SPMIP2: variants seen among roughly 807,000 people sequenced by gnomAD.
The protein encoded by SPMIP2 is sperm microtubule inner protein 2.
the SPMIP2 span, among the ~76,000 whole-genome samples, chr4:159,075,232 C>A: frequency 6.6e-6 from 1 of 152,104 alleles, no homozygotes; most frequent in Non-Finnish European, 1.5e-5. Context: ...CCTTATTTAC[C>A]TACAGACAGA....
the SPMIP2 span, among the ~76,000 whole-genome samples, chr4:158,924,356 C>T: frequency 1.3e-5 from 2 of 152,036 alleles, no homozygotes; most frequent in Non-Finnish European, 2.9e-5. Flanking sequence ...GCATTTATTG[C>T]GAGGATCATA....
chr4:159,031,829 T>C, the SPMIP2 span, among the ~76,000 whole-genome samples: 1 of 152,206 alleles, frequency 6.6e-6, no homozygotes, highest in Non-Finnish European at 1.5e-5. Flanking sequence ...GGGAGTTCAT[T>C]GGCGTGTGTT....
chr4:159,068,627 T>A, the SPMIP2 span, among the ~76,000 whole-genome samples: 1 of 151,826 alleles, frequency 6.6e-6, no homozygotes, highest in Non-Finnish European at 1.5e-5. Flanking sequence ...AACCTGCACG[T>A]TGTGCACATG....
the SPMIP2 span, among the ~76,000 whole-genome samples, chr4:159,062,221 G>C: frequency 6.6e-6 from 1 of 152,176 alleles, no homozygotes; most frequent in African/African-American, 2.4e-5. Flanking sequence ...TTTTGTAGTA[G>C]TTACCTCTTG....
At chr4:159,041,126 A>G in the SPMIP2 span, among the ~76,000 whole-genome samples, 2 of 152,196 alleles carry the variant, frequency 1.3e-5, no homozygotes, top group Non-Finnish European at 2.9e-5. Context: ...AATTTGCAAC[A>G]CCAGCTCACA....
At chr4:158,907,704 C>T in the SPMIP2 span, 1 of 152,084 alleles carries the variant, frequency 6.6e-6, no homozygotes. Flanking sequence ...AAATGTGAAC[C>T]ATTTGTTTTT....
At chr4:158,984,534 T>A in the SPMIP2 span, among the ~76,000 whole-genome samples, 1 of 151,712 alleles carries the variant, frequency 6.6e-6, no homozygotes, top group Non-Finnish European at 1.5e-5. Flanking sequence ...GAATGACTAC[T>A]GGGTACATAA....
the SPMIP2 span, among the ~76,000 whole-genome samples, chr4:158,965,972 A>G: frequency 6.6e-6 from 1 of 152,252 alleles, no homozygotes; most frequent in Non-Finnish European, 1.5e-5. Context: ...GCTTAAAGCC[A>G]TTGGAATGTG....
chr4:158,970,751 G>C, the SPMIP2 span, among the ~76,000 whole-genome samples: 3 of 152,022 alleles, frequency 2.0e-5, no homozygotes, highest in East Asian at 1.9e-4. Flanking sequence ...AGTCCAAGGA[G>C]CTTTAAGGTA....
At chr4:159,040,706 T>G in the SPMIP2 span, among the ~76,000 whole-genome samples, 1 of 152,086 alleles carries the variant, frequency 6.6e-6, no homozygotes, top group Admixed American at 6.6e-5. Flanking sequence ...CCTCAAGATA[T>G]CCTCCTACCT....
chr4:158,899,057 T>C, the SPMIP2 span, among the ~76,000 whole-genome samples: 1 of 152,172 alleles, frequency 6.6e-6, no homozygotes. Context: ...CTTGAAGTGG[T>C]GTTGAGTTTT....
At chr4:158,948,296 G>A in the SPMIP2 span, among the ~76,000 whole-genome samples, 1 of 151,792 alleles carries the variant, frequency 6.6e-6, no homozygotes, top group Non-Finnish European at 1.5e-5. Context: ...GCTGCCTCTT[G>A]GGGGGAAAAA....
chr4:158,987,920 A>G, the SPMIP2 span, among the ~76,000 whole-genome samples: 1,626 of 152,160 alleles, frequency 0.011, 18 homozygotes, highest in Middle Eastern at 0.048. Context: ...GGAGATAGAG[A>G]CACAAAAAAC....
the SPMIP2 span, among the ~76,000 whole-genome samples, chr4:159,027,004 A>ATT: frequency 6.8e-6 from 1 of 147,788 alleles, no homozygotes; most frequent in Non-Finnish European, 1.5e-5. Flanking sequence ...GCAGCAACTG[A>ATT]TTTTTTTTTT....
the SPMIP2 span, among the ~76,000 whole-genome samples, chr4:159,016,125 T>C: frequency 2.6e-5 from 4 of 152,300 alleles, no homozygotes; most frequent in South Asian, 8.3e-4. Flanking sequence ...AAAATACCAG[T>C]ATACAATCAA....
the SPMIP2 span, among the ~76,000 whole-genome samples, chr4:159,063,480 G>C: frequency 6.6e-6 from 1 of 152,082 alleles, no homozygotes; most frequent in Admixed American, 6.5e-5. Flanking sequence ...AACCCGGGAA[G>C]CAGAATTTGC....
chr4:158,958,085 G>A, the SPMIP2 span, among the ~76,000 whole-genome samples: 2 of 152,090 alleles, frequency 1.3e-5, no homozygotes, highest in East Asian at 1.9e-4. Context: ...TCGACCTCCC[G>A]GGCTCAAGTG....
chr4:159,024,391 C>T, the SPMIP2 span, among the ~76,000 whole-genome samples: 1 of 152,152 alleles, frequency 6.6e-6, no homozygotes, highest in Non-Finnish European at 1.5e-5. Flanking sequence ...CTGGGGTTAG[C>T]AAGACAGTGA....
chr4:158,956,119 C>T, the SPMIP2 span, among the ~76,000 whole-genome samples: 4 of 152,228 alleles, frequency 2.6e-5, no homozygotes, highest in Non-Finnish European at 5.9e-5. Flanking sequence ...TAGGAATTGA[C>T]CTCTAAGGCT....
Sources: allele counts gnomAD v4.1 joint callset (sites outside exome capture counted in the v4.1 genomes callset), GRCh38; gene constraint gnomAD v4.1.1; transcripts MANE v1.5; gene names NCBI Gene and HGNC (gene_info 2026-07-23, HGNC 2026-07-21).